The following SAMM50 variants were observed in gnomAD, a reference collection of about 807,000 sequenced individuals.
SAMM50 encodes sorting and assembly machinery component 50 homolog.
Under a neutral mutation model 66.9 loss-of-function variants are expected in SAMM50, and 47 were observed. That is an observed-to-expected ratio of 0.70 (90% CI 0.56 to 0.90). The LOEUF (loss-of-function observed/expected upper bound fraction) is 0.90. SAMM50 is among the 40% of genes least tolerant of loss of function. SAMM50 has a pLI of 0.00. For missense variants in SAMM50, 535 were observed against 595.3 expected, an observed-to-expected ratio of 0.90 and a Z score of 1.05; for synonymous variants, 191 against 214.1, an observed-to-expected ratio of 0.89 and a Z score of 0.94.
At chr22:43,987,235 G>C (rs1394297587) in intron 12 of SAMM50, 1 of 152,134 alleles carries the variant, frequency 6.6e-6, no homozygotes, top group East Asian at 1.9e-4. Context: ...TTCAAGAATT[G>C]TTAATAATAC....
At chr22:43,962,453 T>A (rs780953851) in intron 1 of SAMM50, among the ~76,000 whole-genome samples, 3 of 152,218 alleles carry the variant, frequency 2.0e-5, no homozygotes, top group Admixed American at 1.3e-4. Context: ...AAATATTAGA[T>A]GAGACACAGC....
chr22:43,988,917 A>C, intron 12 of SAMM50, 194 bp from the exon 13 acceptor site: 1 of 487,312 alleles, frequency 2.1e-6, no homozygotes, highest in African/African-American at 1.9e-5. Flanking sequence ...GTGTGAAACA[A>C]ACCAGGAGAA....
chr22:43,979,914 C>T lies in SAMM50; in HGVS notation c.937-1477C>T, dbSNP rs535223118. On this transcript the variant is annotated intron_variant, in intron 10 of 14. Transcript: ENST00000350028. ...CCTTTTTTTCAGTTGTTTCCTTGGC[C>T]TCCCACTCCCTGCCTTTAAGACTTT... Among the ~76,000 whole-genome samples, 11 of 151,548 alleles carry T rather than the reference C, an allele frequency of 7.3e-5. No individual in the cohort carries two copies. The East Asian group carries it at 1.6e-3, about 22-fold the overall frequency.
chr22:43,968,355 T>C (rs1466277326), intron 3 of SAMM50, among the ~76,000 whole-genome samples: 1 of 144,886 alleles, frequency 6.9e-6, no homozygotes, highest in South Asian at 2.2e-4. Context: ...AAAAAAAAAA[T>C]GAAAAGGTGT....
chr22:43,982,527 G>T (rs925961012), intron 11 of SAMM50, among the ~76,000 whole-genome samples: 1 of 152,160 alleles, frequency 6.6e-6, no homozygotes, highest in Non-Finnish European at 1.5e-5. Flanking sequence ...AGTGACGGTG[G>T]GCACCCCAGA....
chr22:43,990,065 C>T (rs913161257), intron 13 of SAMM50, among the ~76,000 whole-genome samples, 200 bp from the exon 14 acceptor site: 2 of 152,226 alleles, frequency 1.3e-5, no homozygotes, highest in African/African-American at 4.8e-5. Flanking sequence ...GTGGCTCATT[C>T]TGGATGTGAG....
At chr22:43,968,700 T>C (rs2050187170) in intron 3 of SAMM50, 31 bp from the exon 4 acceptor site, 4 of 1,454,874 alleles carry the variant, frequency 2.7e-6, no homozygotes, top group Non-Finnish European at 2.9e-6. Context: ...TAGAAGAATA[T>C]ATTCCTTGTT....
chr22:43,987,242 A>G (rs566663278), intron 12 of SAMM50: 6 of 152,324 alleles, frequency 3.9e-5, no homozygotes, highest in African/African-American at 1.4e-4. Flanking sequence ...ATTGTTAATA[A>G]TACTATTAAT....
intron 14 of SAMM50, among the ~76,000 whole-genome samples, chr22:43,990,653 G>GT (rs2050319213): frequency 6.6e-6 from 1 of 152,130 alleles, no homozygotes; most frequent in South Asian, 2.1e-4. Flanking sequence ...TCCCAGGGTA[G>GT]TGGGAGCCCC....
intron 10 of SAMM50, among the ~76,000 whole-genome samples, chr22:43,980,122 ACC>A (rs2050255814): frequency 9.7e-6 from 1 of 103,302 alleles, no homozygotes. Flanking sequence ...CCACCCACCC[ACC>A]TACCCACCCA....
Position 43,983,951 on chromosome 22 carries a change from C to T in SAMM50, c.1026C>T (p.Pro342=). 1 of 1,611,426 alleles carries T rather than the reference C, an allele frequency of 6.2e-7. No individual in the cohort carries two copies. Among genetic ancestry groups the T allele is most frequent in the Non-Finnish European group, 8.5e-7 (1 of 1,178,976 alleles). Residue 342 remains proline, a synonymous_variant, in exon 12 of 15, where the codon CCC becomes CCT. Coordinates refer to ENST00000350028, the MANE Select transcript of SAMM50 (RefSeq NM_015380.5). The surrounding 1 kb of genome is among the most constrained non-coding windows in gnomAD (Gnocchi z 4.2). ...SIADRFYLGG[P]TSIRGFSMHS... ...GTCCTAGGTTTTACCTTGGGGGACC[C>T]ACAAGCATCCGCGGATTCAGCATGC...
In SAMM50 at chr22:43,976,087, G is replaced by T. The variant is rs1569030183; in HGVS notation, c.681G>T (p.Lys227Asn). 6.2e-7 allele frequency: 1 copy of T among 1,612,666 alleles called. No individual in the cohort carries two copies. The highest frequency in any genetic ancestry group is 2.2e-5 in the East Asian group (1 of 44,840). The change falls in exon 8 of 15, where the codon AAG becomes AAT. Residue 227 changes from lysine (K) to asparagine (N), a missense_variant. Transcript: ENST00000350028. ...TATGGAAGACCAGCCACACTGTCAA[G>T]TGGGAAGGCGTATGGCGAGAACTGG... Reference protein sequence around the residue: ...FPIWKTSHTVKWEGVWRELGC... With the variant: ...FPIWKTSHTVNWEGVWRELGC...
Position 43,981,020 on chromosome 22 carries a change from G to A in SAMM50, c.937-371G>A, listed in dbSNP as rs144111560. ...CTGAATCCTTCCACATTTTGAGGCC[G>A]CGGCAAAGAGGCCTGAGCAGGTGCA... is the stretch of plus-strand genomic sequence containing the variant. On this transcript the variant is annotated intron_variant, in intron 10 of 14. Coordinates refer to ENST00000350028, the MANE Select transcript of SAMM50 (RefSeq NM_015380.5). Among the ~76,000 whole-genome samples, 125 of 152,266 alleles carry A rather than the reference G, an allele frequency of 8.2e-4. 1 individual carries two copies. Among genetic ancestry groups the A allele is most frequent in the South Asian group, 2.1e-3 (10 of 4,828 alleles).
chr22:43,971,302 C>G (rs1212787890), intron 4 of SAMM50, among the ~76,000 whole-genome samples: 5 of 152,320 alleles, frequency 3.3e-5, no homozygotes, highest in African/African-American at 1.2e-4. Flanking sequence ...GCTGAGCACC[C>G]CTGTGTACAA....
intron 12 of SAMM50, chr22:43,987,913 T>TATATATATATATAC (rs745965697): frequency 1.3e-4 from 20 of 151,408 alleles, no homozygotes; most frequent in African/African-American, 4.6e-4. Flanking sequence ...TATATATATA[T>TATATATATATATAC]ACACACACAG....
Position 43,972,938 on chromosome 22 carries a change from G to A in SAMM50, c.497G>A (p.Gly166Glu). 6.2e-7 allele frequency: 1 copy of A among 1,601,496 alleles called. No homozygotes were observed. Reference sequence around the variant, plus strand: ...AAGGTGACCTTTCAGTTTTCCTATGGAACAAAAGAAACTTCGTATGGCCTG... The same window carrying A: ...AAGGTGACCTTTCAGTTTTCCTATGAAACAAAAGAAACTTCGTATGGCCTG... ...AEKVTFQFSY[G>E]TKETSYGLSF... Residue 166 changes from glycine (G) to glutamate (E), a missense_variant, in exon 6 of 15, where the codon GGA becomes GAA. Gly to Glu is a moderately conservative substitution (Grantham distance 98, BLOSUM62 -2). Transcript: ENST00000350028.
At chr22:43,994,151 G>A (rs1466652272) in intron 14 of SAMM50, among the ~76,000 whole-genome samples, 1 of 152,204 alleles carries the variant, frequency 6.6e-6, no homozygotes, top group Non-Finnish European at 1.5e-5. Flanking sequence ...AGACAGCCAG[G>A]TGCTTGCAGA....
At chr22:43,973,366 CAG>C (rs573589246) in intron 7 of SAMM50, 43 bp downstream of exon 7, 280 of 1,243,688 alleles carry the variant, frequency 2.3e-4, no homozygotes, top group Non-Finnish European at 3.1e-4. Flanking sequence ...TGGGGGAAAA[CAG>C]GGTGGCTTTT....
intron 1 of SAMM50, among the ~76,000 whole-genome samples, chr22:43,959,689 C>T (rs2401513): frequency 0.18 from 27,156 of 151,814 alleles, 2,851 homozygotes; most frequent in East Asian, 0.34. Context: ...TATATTTTAG[C>T]GCATTTTACC....
Sources: gnomAD v4.1 joint callset for allele counts (sites outside exome capture counted in the v4.1 genomes callset) on GRCh38, gnomAD v4.1.1 for gene constraint, Gnocchi (gnomAD v3.1) non-coding constraint, MANE v1.5 for transcripts, NCBI Gene and HGNC (gene_info 2026-07-23, HGNC 2026-07-21) for gene names.